The following KCNT2 variants were observed in gnomAD, a reference collection of about 807,000 sequenced individuals.
KCNT2 encodes the protein potassium channel subfamily T member 2.
Under a neutral mutation model 153.8 loss-of-function variants are expected in KCNT2, and 67 were observed. That is an observed-to-expected ratio of 0.44 (90% CI 0.36 to 0.53). KCNT2 has a LOEUF of 0.53. Ranked by LOEUF, KCNT2 falls within the 20% of genes least tolerant of loss-of-function variation. KCNT2 has a pLI of 0.00. For missense variants in KCNT2, 975 were observed against 1,354.8 expected (o/e 0.72, Z 4.40); for synonymous variants, 500 against 458.8 (o/e 1.09, Z -1.15).
At chr1:196,345,852 T>C (rs1298181004) in intron 14 of KCNT2, among the ~76,000 whole-genome samples, 1 of 152,078 alleles carries the variant, frequency 6.6e-6, no homozygotes, top group Non-Finnish European at 1.5e-5. Flanking sequence ...TACATATAGA[T>C]AACAGTGAAA....
At chr1:196,428,045 A>G in intron 10 of KCNT2, 60 bp downstream of exon 10, 1 of 1,322,290 alleles carries the variant, frequency 7.6e-7, no homozygotes, top group Non-Finnish European at 1.1e-6. Context: ...CAGTTAATTG[A>G]CTTTGACAAT....
intron 25 of KCNT2, among the ~76,000 whole-genome samples, chr1:196,263,422 C>T (rs200217179): frequency 1.3e-5 from 2 of 151,858 alleles, no homozygotes; most frequent in Admixed American, 6.6e-5. Flanking sequence ...CACTCATAAT[C>T]GGGAGTTAAA....
At chr1:196,485,785 C>A (rs955796975) in intron 3 of KCNT2, among the ~76,000 whole-genome samples, 3 of 151,666 alleles carry the variant, frequency 2.0e-5, no homozygotes, top group African/African-American at 7.3e-5. Flanking sequence ...TGTTCAAACC[C>A]TCCTTCATAA....
At chr1:196,370,751 T>G (rs1032366704) in intron 14 of KCNT2, among the ~76,000 whole-genome samples, 1 of 152,102 alleles carries the variant, frequency 6.6e-6, no homozygotes, top group Non-Finnish European at 1.5e-5. Flanking sequence ...AAAAACCTTT[T>G]CACAAATGTT....
At chr1:196,366,436 G>T (rs1338376193) in intron 14 of KCNT2, among the ~76,000 whole-genome samples, 1 of 152,094 alleles carries the variant, frequency 6.6e-6, no homozygotes, top group African/African-American at 2.4e-5. Context: ...TGGGATTACA[G>T]GCGTGAGCCA....
At chr1:196,449,324 C>A (rs553672103) in intron 8 of KCNT2, among the ~76,000 whole-genome samples, 1 of 151,612 alleles carries the variant, frequency 6.6e-6, no homozygotes, top group East Asian at 2.0e-4. Context: ...AAAATAAATA[C>A]CCAAAACTTA....
At position 196,305,344 on chromosome 1, in the gene KCNT2, A is replaced by G; in HGVS notation, c.2485T>C (p.Leu829=). 1 of 1,544,974 alleles carries G rather than the reference A, an allele frequency of 6.5e-7. No individual in the cohort carries two copies. The highest frequency in any genetic ancestry group is 8.9e-7 in the Non-Finnish European group (1 of 1,118,306). The change falls in exon 22 of 28, where the codon TTG becomes CTG. Residue 829 remains leucine (L), a splice_region_variant and synonymous_variant. Coordinates refer to ENST00000294725, the MANE Select transcript of KCNT2 (RefSeq NM_198503.5). ...GTGATAATACTGAGACTGGAAAACA[A>G]CCTACATTTCAAAAGAACATTTGCA... ...TIVNVQTLFR[L]FSSLSIITEL...
chr1:196,369,917 A>G (rs1668375146), intron 14 of KCNT2, among the ~76,000 whole-genome samples: 1 of 152,138 alleles, frequency 6.6e-6, no homozygotes, highest in African/African-American at 2.4e-5. Flanking sequence ...AAGGACATGA[A>G]CAGACACTTC....
intron 1 of KCNT2, among the ~76,000 whole-genome samples, chr1:196,500,601 C>G (rs1459568373): frequency 1.3e-5 from 2 of 152,180 alleles, no homozygotes; most frequent in Non-Finnish European, 2.9e-5. Flanking sequence ...ATTATTGACT[C>G]TAAACCAGAT....
intron 12 of KCNT2, among the ~76,000 whole-genome samples, chr1:196,415,671 G>A (rs1485985760): frequency 2.6e-5 from 4 of 151,816 alleles, no homozygotes; most frequent in Non-Finnish European, 4.4e-5. Flanking sequence ...ACTTCCATGA[G>A]TCCCTGTACA....
At chr1:196,532,034 T>G (rs538812544) in intron 1 of KCNT2, among the ~76,000 whole-genome samples, 36 of 151,164 alleles carry the variant, frequency 2.4e-4, no homozygotes, top group African/African-American at 3.6e-4. Flanking sequence ...AAGTGTTGGG[T>G]TTTTTTTTAG....
At chr1:196,490,897 C>G (rs774075754) in intron 2 of KCNT2, among the ~76,000 whole-genome samples, 4 of 151,934 alleles carry the variant, frequency 2.6e-5, no homozygotes, top group Non-Finnish European at 4.4e-5. Context: ...TGAAATGTCA[C>G]TTTTTTTGTC....
intron 1 of KCNT2, among the ~76,000 whole-genome samples, chr1:196,540,971 T>G (rs1656278739): frequency 6.6e-6 from 1 of 151,570 alleles, no homozygotes; most frequent in Non-Finnish European, 1.5e-5. Flanking sequence ...GAGGCTGAGG[T>G]AGGAGAATGG....
chr1:196,598,122 CT>C (rs1664302380), intron 1 of KCNT2, among the ~76,000 whole-genome samples: 2 of 152,098 alleles, frequency 1.3e-5, no homozygotes, highest in South Asian at 4.1e-4. Flanking sequence ...ATGGATGACC[CT>C]GTCCAAAGCA....
At chr1:196,451,259 T>TTTTTTTTTTTTTTTC in intron 8 of KCNT2, among the ~76,000 whole-genome samples, 1 of 146,780 alleles carries the variant, frequency 6.8e-6, no homozygotes, top group Non-Finnish European at 1.5e-5. Flanking sequence ...TTCTTTTTTT[T>TTTTTTTTTTTTTTTC]TGAGACTCCA....
chr1:196,549,962 G>C (rs1657669847), intron 1 of KCNT2, among the ~76,000 whole-genome samples: 1 of 151,880 alleles, frequency 6.6e-6, no homozygotes, highest in South Asian at 2.1e-4. Context: ...CAACGAAGTG[G>C]AGATGAGAAG....
At chr1:196,543,816 C>T (rs777767531) in intron 1 of KCNT2, among the ~76,000 whole-genome samples, 13 of 152,080 alleles carry the variant, frequency 8.5e-5, no homozygotes, top group Admixed American at 2.0e-4. Flanking sequence ...GGTACAGCCA[C>T]GCTGGAAAAA....
rs560858023 is a variant in KCNT2, at chr1:196,253,630, G to A, written c.3211+4564C>T. Among the ~76,000 whole-genome samples the A allele has an allele frequency of 9.2e-5, 14 of 151,446 alleles. No homozygotes were observed. In the South Asian group the frequency reaches 1.5e-3, roughly 16 times the overall value. Reference sequence around the variant, plus strand: ...CTTTCCCTGGGGAACAAAGTTATACGCTTCCTTTGTCCAAAGTCTGCACAA... The same window carrying A: ...CTTTCCCTGGGGAACAAAGTTATACACTTCCTTTGTCCAAAGTCTGCACAA... On this transcript the variant is annotated intron_variant, in intron 26 of 27. Transcript: ENST00000294725.
intron 1 of KCNT2, among the ~76,000 whole-genome samples, chr1:196,521,405 TA>T (rs1179934407): frequency 6.6e-6 from 1 of 152,160 alleles, no homozygotes; most frequent in Non-Finnish European, 1.5e-5. Flanking sequence ...CTCAAAGAGC[TA>T]AAAACAGTAC....
Sources: gnomAD v4.1 joint callset for allele counts (sites outside exome capture counted in the v4.1 genomes callset) on GRCh38, gnomAD v4.1.1 for gene constraint, MANE v1.5 for transcripts, NCBI Gene and HGNC (gene_info 2026-07-23, HGNC 2026-07-21) for gene names.